ATP1B4: variants seen among roughly 807,000 people sequenced by gnomAD.
ATP1B4 encodes the protein protein ATP1B4.
A neutral mutation model predicts 29.6 loss-of-function variants in ATP1B4; 32 were observed. The observed-to-expected ratio is 1.08, with a 90% confidence interval of 0.82 to 1.45. The LOEUF is 1.45. Among genes scored for constraint, ATP1B4 ranks in the 40% most tolerant of loss-of-function variants. The probability of loss-of-function intolerance (pLI) is 0.00; values close to 1 mark genes in which losing one functional copy is unlikely to be tolerated. For missense variants in ATP1B4, 323 were observed against 276.2 expected, an observed-to-expected ratio of 1.17 and a Z score of -1.20; for synonymous variants, 127 against 102.1, an observed-to-expected ratio of 1.24 and a Z score of -1.47.
At chrX:120,373,161 T>C (rs1325999167) in intron 4 of ATP1B4, among the ~76,000 whole-genome samples, 3 of 111,931 alleles carry the variant, frequency 2.7e-5, no homozygotes, top group Non-Finnish European at 5.6e-5. Flanking sequence ...TTCACTCCCA[T>C]GAGGACTGGG....
At chrX:120,375,267 A>G in intron 4 of ATP1B4, 105 bp from the exon 5 acceptor site, 1 of 746,300 alleles carries the variant, frequency 1.3e-6, no homozygotes, top group Admixed American at 2.8e-5. Context: ...AGAGGAGTAC[A>G]AACAAGCTGG....
chrX:120,373,672 G>C (rs562918220), intron 4 of ATP1B4, among the ~76,000 whole-genome samples: 2 of 112,116 alleles, frequency 1.8e-5, no homozygotes, highest in African/African-American at 6.5e-5. Context: ...GCCCTTTTAA[G>C]CTTTCTCCCT....
At chrX:120,377,007 T>C (rs372360106) in intron 6 of ATP1B4, among the ~76,000 whole-genome samples, 1 of 112,120 alleles carries the variant, frequency 8.9e-6, no homozygotes, top group African/African-American at 3.2e-5. Flanking sequence ...AGCTCCCTTG[T>C]AGGAAAAAGC....
At position 120,382,427 on chromosome X, in the gene ATP1B4, T is replaced by G. The variant is rs2058384887; in HGVS notation, c.*2793T>G. 1.8e-5 allele frequency: 2 copies of G among 111,937 alleles called. No homozygotes were observed. Among genetic ancestry groups the G allele is most frequent in the African/African-American group, 6.5e-5 (2 of 30,789 alleles). 9.2% of individuals were successfully genotyped at this position (111,937 alleles called of 1,213,427 possible). A position where few individuals can be genotyped will look rare whatever the true frequency, so the allele number is the denominator to read the frequency against. On this transcript the variant is annotated 3_prime_UTR_variant, in exon 8 of 8. Coordinates refer to ENST00000218008, the MANE Select transcript of ATP1B4 (RefSeq NM_001142447.3). ...AAAAAGACAATAACTTTTAAACCACTTGAAAATTACCTCAATCAAACTCTC... is the reference window on the plus strand; with the variant it reads ...AAAAAGACAATAACTTTTAAACCACGTGAAAATTACCTCAATCAAACTCTC...
chrX:120,368,713 T>A (rs1228951984), intron 2 of ATP1B4, among the ~76,000 whole-genome samples: 1 of 111,883 alleles, frequency 8.9e-6, no homozygotes, highest in East Asian at 2.8e-4. Flanking sequence ...AACAAGGCCC[T>A]GATGTGTAGG....
At chrX:120,375,012 C>A (rs1272698264) in intron 4 of ATP1B4, among the ~76,000 whole-genome samples, 1 of 105,729 alleles carries the variant, frequency 9.5e-6, no homozygotes, top group Non-Finnish European at 1.9e-5. Context: ...GTAGAAGGGA[C>A]AGCCTTCCAA....
At chrX:120,376,622 G>C (rs2058357773) in intron 6 of ATP1B4, among the ~76,000 whole-genome samples, 186 bp downstream of exon 6, 1 of 111,802 alleles carries the variant, frequency 8.9e-6, no homozygotes, top group African/African-American at 3.3e-5. Flanking sequence ...ATGTGTGTTT[G>C]TGTGTATAGT....
chrX:120,369,444 G>A (rs1276718031), intron 2 of ATP1B4, among the ~76,000 whole-genome samples: 1 of 111,924 alleles, frequency 8.9e-6, no homozygotes, highest in African/African-American at 3.3e-5. Flanking sequence ...TTTGGTTCAT[G>A]GTTCAATTTA....
In ATP1B4 at chrX:120,372,778, A is replaced by G. The variant is rs774848247; in HGVS notation, c.562+1568A>G. ...AGAGTTAGAAATTCAGCTTTATATC[A>G]GTAAGGCTCAGTGTTATTTTGGGTA... On this transcript the variant is annotated intron_variant, in intron 4 of 7. Transcript: ENST00000218008. Among the ~76,000 whole-genome samples, 4 of 112,556 alleles carry G rather than the reference A, an allele frequency of 3.6e-5. No individual in the cohort carries two copies. The East Asian group carries it at 1.1e-3, about 31-fold the overall frequency.
Position 120,366,613 on chromosome X carries a change from C to CGGA in ATP1B4, c.162_164dup (p.Glu59dup), listed in dbSNP as rs761652405. 3 of 1,200,891 alleles carry CGGA rather than the reference C, an allele frequency of 2.5e-6. No individual in the cohort carries two copies. Among genetic ancestry groups the CGGA allele is most frequent in the Non-Finnish European group, 3.4e-6 (3 of 887,751 alleles). On this transcript the variant is annotated inframe_insertion, in exon 2 of 8. Coordinates refer to ENST00000218008, the MANE Select transcript of ATP1B4 (RefSeq NM_001142447.3). Reference sequence around the variant, plus strand: ...GCTCGGGTGACGGTGGTGCCCAAATCGGAGGAGGAGGAAGAAGAGGAGGAG... The same window carrying CGGA: ...GCTCGGGTGACGGTGGTGCCCAAATCGGAGGAGGAGGAGGAAGAAGAGGAGGAG...
chrX:120,366,502 A>C (rs1449913886), intron 1 of ATP1B4, 23 bp from the exon 2 acceptor site: 1 of 1,188,066 alleles, frequency 8.4e-7, no homozygotes, highest in Non-Finnish European at 1.1e-6. Flanking sequence ...CAAAAAGGGT[A>C]TTGTGTTTTG....
chrX:120,376,330 T>A, intron 5 of ATP1B4, 50 bp from the exon 6 acceptor site: 1 of 1,161,774 alleles, frequency 8.6e-7, no homozygotes, highest in Non-Finnish European at 1.2e-6. Flanking sequence ...TTTTTTACTG[T>A]CAAATATGTT....
Position 120,379,779 on chromosome X carries a change from T to G in ATP1B4, c.*145T>G. On this transcript the variant is annotated 3_prime_UTR_variant, in exon 8 of 8. Transcript: ENST00000218008. ...ATCATCTTTCCTTGCCTATGACATGTGTATAAAATGACATTGTGGGAGCTG... is the reference window on the plus strand; with the variant it reads ...ATCATCTTTCCTTGCCTATGACATGGGTATAAAATGACATTGTGGGAGCTG... The G allele has an allele frequency of 1.7e-6, 1 of 575,418 alleles. No individual in the cohort carries two copies. The highest frequency in any genetic ancestry group is 2.6e-6 in the Non-Finnish European group (1 of 390,307). 47.4% of individuals were successfully genotyped at this position (575,418 alleles called of 1,213,427 possible). A position where few individuals can be genotyped will look rare whatever the true frequency, so the allele number is the denominator to read the frequency against.
chrX:120,381,631 G>A lies in ATP1B4; in HGVS notation c.*1997G>A, dbSNP rs1390636872. 2.7e-5 allele frequency: 3 copies of A among 110,809 alleles called. No homozygotes were observed. Among genetic ancestry groups the A allele is most frequent in the Non-Finnish European group, 5.7e-5 (3 of 52,950 alleles). 9.1% of individuals were successfully genotyped at this position (110,809 alleles called of 1,213,427 possible). A position where few individuals can be genotyped will look rare whatever the true frequency, so the allele number is the denominator to read the frequency against. On this transcript the variant is annotated 3_prime_UTR_variant, in exon 8 of 8. Coordinates refer to ENST00000218008, the MANE Select transcript of ATP1B4 (RefSeq NM_001142447.3). ...ATGCCCAGCTAACTTTTGTATTTTT[G>A]GCGGAGACAGGGTTTCACCATGTTG... is the stretch of plus-strand genomic sequence containing the variant.
intron 1 of ATP1B4, 31 bp downstream of exon 1, chrX:120,362,262 C>T (rs768864520): frequency 2.6e-6 from 3 of 1,166,201 alleles, no homozygotes; most frequent in East Asian, 6.0e-5. Context: ...TATTTTGCTG[C>T]CCCCTCCCCT....
chrX:120,381,647 C>T lies in ATP1B4; in HGVS notation c.*2013C>T, dbSNP rs986524012. On this transcript the variant is annotated 3_prime_UTR_variant, in exon 8 of 8. Coordinates refer to ENST00000218008, the MANE Select transcript of ATP1B4 (RefSeq NM_001142447.3). ...TGTATTTTTGGCGGAGACAGGGTTT[C>T]ACCATGTTGGCCAGGCTGGTCTCGA... is the stretch of plus-strand genomic sequence containing the variant. The T allele has an allele frequency of 2.7e-5, 3 of 111,460 alleles. No homozygotes were observed. In the East Asian group the frequency reaches 8.4e-4, roughly 31 times the overall value. 9.2% of individuals were successfully genotyped at this position (111,460 alleles called of 1,213,427 possible).
Position 120,375,438 on chromosome X carries a change from A to G in ATP1B4, c.629A>G (p.Asp210Gly). Residue 210 changes from aspartate to glycine, a missense_variant, in exon 5 of 8, where the codon GAT (aspartate) becomes GGT (glycine). Asp to Gly is a moderately conservative substitution (Grantham distance 94). Transcript: ENST00000218008. ...CCCCCGGGGCAGTACTTCATCCAAG[A>G]TGGCAATGAGGATGAGGACAAGAAG... ...DCPPGQYFIQ[D>G]GNEDEDKKAC... is the part of the protein sequence containing the mutation. 8.3e-7 allele frequency: 1 copy of G among 1,210,649 alleles called. No homozygotes were observed. Among genetic ancestry groups the G allele is most frequent in the Non-Finnish European group, 1.1e-6 (1 of 894,579 alleles).
At position 120,383,007 on chromosome X, in the gene ATP1B4, G is replaced by A. The variant is rs2058387188; in HGVS notation, c.*3373G>A. The stretch of plus-strand genomic sequence containing the variant: ...GGATTTGATTTGTATGCCATCTGTT[G>A]CAATGCACTTGGTTTTACTTGCTTG... On this transcript the variant is annotated 3_prime_UTR_variant, in exon 8 of 8. Transcript: ENST00000218008. 1 of 112,046 alleles carries A rather than the reference G, an allele frequency of 8.9e-6. No homozygotes were observed. The highest frequency in any genetic ancestry group is 9.4e-5 in the Admixed American group (1 of 10,595). The allele number at this position is 112,046 out of a possible 1,213,427, so 9.2% of individuals were successfully genotyped here. A position where few individuals can be genotyped will look rare whatever the true frequency, so the allele number is the denominator to read the frequency against.
At chrX:120,364,672 G>A (rs2058276817) in intron 1 of ATP1B4, among the ~76,000 whole-genome samples, 1 of 112,347 alleles carries the variant, frequency 8.9e-6, no homozygotes. Context: ...TACACTGTGA[G>A]CCTATGTCAG....
Sources: gnomAD v4.1 joint callset for allele counts (sites outside exome capture counted in the v4.1 genomes callset) on GRCh38, gnomAD v4.1.1 for gene constraint, MANE v1.5 for transcripts, NCBI Gene and HGNC (gene_info 2026-07-23, HGNC 2026-07-21) for gene names.